Variants in MEI4 observed in about 807,000 individuals in gnomAD.
MEI4 encodes the protein meiotic double-stranded break formation protein 4, also known as meiosis-specific protein MEI4.
A neutral mutation model predicts 31.4 loss-of-function variants in MEI4; 27 were observed. The observed-to-expected ratio is 0.86, with a 90% confidence interval of 0.63 to 1.19. MEI4 has a LOEUF of 1.19. MEI4 is among the 50% of genes most tolerant of loss of function. The pLI is 0.00. For synonymous variants in MEI4, 122 were observed against 145.4 expected (o/e 0.84, Z 1.16); for missense variants, 329 against 398.9 (o/e 0.82, Z 1.49).
intron 3 of MEI4, among the ~76,000 whole-genome samples, chr6:77,782,236 G>A (rs1414823885): frequency 6.6e-6 from 1 of 151,956 alleles, no homozygotes; most frequent in African/African-American, 2.4e-5. Context: ...GAGAACTTGA[G>A]TCCATTTTGA....
intron 2 of MEI4, among the ~76,000 whole-genome samples, chr6:77,755,989 T>C: frequency 6.6e-6 from 1 of 152,126 alleles, no homozygotes; most frequent in East Asian, 1.9e-4. Flanking sequence ...TAGTGTCTCC[T>C]GGAAAAACAG....
At chr6:77,698,877 C>G (rs2127655402) in intron 2 of MEI4, among the ~76,000 whole-genome samples, 1 of 152,258 alleles carries the variant, frequency 6.6e-6, no homozygotes, top group East Asian at 1.9e-4. Context: ...CAACTTGGTT[C>G]CATTCTCCCG....
At chr6:77,767,741 T>A (rs1768211929) in intron 3 of MEI4, among the ~76,000 whole-genome samples, 2 of 151,946 alleles carry the variant, frequency 1.3e-5, no homozygotes, top group Admixed American at 1.3e-4. Context: ...GGGTTAATGT[T>A]CCTGCAATTT....
chr6:77,862,990 T>TC (rs1299373242), intron 4 of MEI4, among the ~76,000 whole-genome samples: 2 of 151,976 alleles, frequency 1.3e-5, no homozygotes, highest in Non-Finnish European at 2.9e-5. Context: ...TCCAGCAAAC[T>TC]CCAACAGACC....
At chr6:77,800,078 C>G (rs2127699896) in intron 3 of MEI4, among the ~76,000 whole-genome samples, 1 of 152,206 alleles carries the variant, frequency 6.6e-6, no homozygotes, top group Middle Eastern at 3.4e-3. Flanking sequence ...CTATAAATTA[C>G]CTTGGGCAGT....
chr6:77,869,170 A>C (rs985989132), intron 4 of MEI4, among the ~76,000 whole-genome samples: 1 of 152,186 alleles, frequency 6.6e-6, no homozygotes, highest in African/African-American at 2.4e-5. Context: ...GGAGCCAGAG[A>C]AAAAGCAAAT....
chr6:77,726,326 C>G (rs953017692), intron 2 of MEI4, among the ~76,000 whole-genome samples: 1 of 151,596 alleles, frequency 6.6e-6, no homozygotes, highest in Non-Finnish European at 1.5e-5. Flanking sequence ...TCTTTCTACA[C>G]AGACACAGTA....
intron 3 of MEI4, among the ~76,000 whole-genome samples, chr6:77,808,463 C>A (rs1248026145): frequency 6.6e-6 from 1 of 151,982 alleles, no homozygotes; most frequent in African/African-American, 2.4e-5. Context: ...TGGAGACCCT[C>A]AATGTCAAGA....
At chr6:77,693,504 A>G (rs1205001690) in intron 2 of MEI4, among the ~76,000 whole-genome samples, 1 of 152,098 alleles carries the variant, frequency 6.6e-6, no homozygotes, top group East Asian at 1.9e-4. Context: ...ACTTTCAGTT[A>G]CAGTGCCTGT....
intron 4 of MEI4, among the ~76,000 whole-genome samples, chr6:77,850,967 G>C (rs1218846940): frequency 2.6e-5 from 4 of 152,040 alleles, no homozygotes; most frequent in African/African-American, 9.7e-5. Flanking sequence ...CCATCAAAAA[G>C]TGGGCAAAGG....
chr6:77,917,012 T>C (rs975380449), intron 4 of MEI4, among the ~76,000 whole-genome samples: 2 of 145,786 alleles, frequency 1.4e-5, no homozygotes, highest in African/African-American at 2.5e-5. Context: ...TGAGTGAGAA[T>C]ATGCGGTGTT....
chr6:77,738,977 AT>A (rs1767325718), intron 2 of MEI4, among the ~76,000 whole-genome samples: 1 of 152,010 alleles, frequency 6.6e-6, no homozygotes, highest in African/African-American at 2.4e-5. Flanking sequence ...TAGACTCTGG[AT>A]AGTAGATCTT....
At chr6:77,654,281 T>C (rs936981099) in intron 1 of MEI4, among the ~76,000 whole-genome samples, 3 of 152,198 alleles carry the variant, frequency 2.0e-5, no homozygotes, top group Non-Finnish European at 4.4e-5. Flanking sequence ...TTTTGTTGAC[T>C]GTTATATCCC....
chr6:77,708,704 A>G (rs929404809), intron 2 of MEI4, among the ~76,000 whole-genome samples: 18 of 152,126 alleles, frequency 1.2e-4, no homozygotes, highest in African/African-American at 1.9e-4. Flanking sequence ...TCTCTCAGTA[A>G]AGAATGAGTG....
At chr6:77,793,592 T>C (rs896286061) in intron 3 of MEI4, among the ~76,000 whole-genome samples, 6 of 152,200 alleles carry the variant, frequency 3.9e-5, no homozygotes, top group Admixed American at 2.6e-4. Flanking sequence ...AATTTGTTAA[T>C]GGATACACAG....
intron 4 of MEI4, among the ~76,000 whole-genome samples, chr6:77,854,137 T>A (rs1770695131): frequency 6.6e-6 from 1 of 152,130 alleles, no homozygotes; most frequent in Non-Finnish European, 1.5e-5. Flanking sequence ...GTGTTCTAAG[T>A]CATTTGGATT....
chr6:77,677,910 G>A (rs1768874363), intron 1 of MEI4, among the ~76,000 whole-genome samples: 1 of 152,006 alleles, frequency 6.6e-6, no homozygotes, highest in Non-Finnish European at 1.5e-5. Flanking sequence ...TTTGTAAGGA[G>A]GTGATACTTT....
intron 2 of MEI4, among the ~76,000 whole-genome samples, chr6:77,734,751 A>G (rs1483054750): frequency 6.6e-6 from 1 of 151,878 alleles, no homozygotes; most frequent in African/African-American, 2.4e-5. Context: ...ACCTTTTGGC[A>G]TGATTTTGCA....
chr6:77,920,216 A>G (rs1221746106), intron 4 of MEI4, among the ~76,000 whole-genome samples: 1 of 151,936 alleles, frequency 6.6e-6, no homozygotes, highest in Non-Finnish European at 1.5e-5. Flanking sequence ...TTTTAGACCA[A>G]TATCCTTGAT....
Sources: allele counts gnomAD v4.1 joint callset (sites outside exome capture counted in the v4.1 genomes callset), GRCh38; gene constraint gnomAD v4.1.1; transcripts MANE v1.5; gene names NCBI Gene and HGNC (gene_info 2026-07-23, HGNC 2026-07-21).